The following ESRP1 variants were observed in gnomAD, a reference collection of about 807,000 sequenced individuals.
The protein encoded by ESRP1 is RNA-binding motif protein 35A.
ESRP1 carries 33 observed loss-of-function variants against 81.7 expected under a neutral mutation model. The ratio of observed to expected loss-of-function variants is 0.40; its 90% confidence interval spans 0.31 to 0.54. The LOEUF (loss-of-function observed/expected upper bound fraction) is 0.54, where lower values mean the gene tolerates loss of function less well. Among genes scored for constraint, ESRP1 ranks in the 20% least tolerant of loss-of-function variants. ESRP1 has a pLI of 0.41. For missense variants in ESRP1, 672 were observed against 833.1 expected (o/e 0.81, Z 2.38); for synonymous variants, 320 against 303.3 (o/e 1.06, Z -0.57).
At chr8:94,697,564 C>T (rs1468457880) in intron 15 of ESRP1, among the ~76,000 whole-genome samples, 3 of 152,192 alleles carry the variant, frequency 2.0e-5, no homozygotes, top group African/African-American at 7.2e-5. Context: ...AATAACATTT[C>T]ATTGCATGGA....
intron 13 of ESRP1, among the ~76,000 whole-genome samples, chr8:94,689,027 G>T (rs1162092318): frequency 1.3e-5 from 2 of 152,120 alleles, no homozygotes; most frequent in African/African-American, 4.8e-5. Flanking sequence ...GAGGTGGGCA[G>T]ATCACTTGAA....
At chr8:94,697,139 A>G (rs1809636893) in intron 15 of ESRP1, among the ~76,000 whole-genome samples, 178 bp downstream of exon 15, 1 of 152,232 alleles carries the variant, frequency 6.6e-6, no homozygotes, top group Non-Finnish European at 1.5e-5. Flanking sequence ...CATAGAATCT[A>G]AGCAACATTA....
chr8:94,686,565 G>A (rs1407104251), intron 13 of ESRP1, among the ~76,000 whole-genome samples: 1 of 152,078 alleles, frequency 6.6e-6, no homozygotes, highest in African/African-American at 2.4e-5. Context: ...TATTTGATGT[G>A]GTACAGTCTC....
intron 4 of ESRP1, among the ~76,000 whole-genome samples, chr8:94,646,648 G>A (rs1188817487): frequency 6.6e-6 from 1 of 151,988 alleles, no homozygotes; most frequent in East Asian, 1.9e-4. Context: ...TGGCTTCTTT[G>A]GAATGAAGTC....
In ESRP1 at chr8:94,641,179, G is replaced by T. The variant is rs1436037898; in HGVS notation, c.-140G>T. On this transcript the variant is annotated 5_prime_UTR_variant, in exon 1 of 16. Coordinates refer to ENST00000433389, the MANE Select transcript of ESRP1 (RefSeq NM_017697.4). ...CTTGGGTGGTTGGTTACCGCCTTTT[G>T]CACTAGCAGTAGCAAGGAAGGGGGG... 2.5e-6 allele frequency: 2 copies of T among 815,228 alleles called. No individual in the cohort carries two copies. Among genetic ancestry groups the T allele is most frequent in the Admixed American group, 5.8e-5 (2 of 34,554 alleles). The allele number at this position is 815,228 out of a possible 1,614,324, so 50.5% of individuals were successfully genotyped here. A position where few individuals can be genotyped will look rare whatever the true frequency, so the allele number is the denominator to read the frequency against.
At chr8:94,666,576 T>A (rs1311001081) in intron 9 of ESRP1, among the ~76,000 whole-genome samples, 2 of 152,222 alleles carry the variant, frequency 1.3e-5, no homozygotes, top group Non-Finnish European at 2.9e-5. Context: ...AAAGAACATT[T>A]GTATTCCTAC....
chr8:94,677,321 G>A (rs1808686601), intron 12 of ESRP1, among the ~76,000 whole-genome samples: 1 of 152,120 alleles, frequency 6.6e-6, no homozygotes, highest in Non-Finnish European at 1.5e-5. Context: ...TAAAGTCAGG[G>A]ACCCCATATT....
At chr8:94,696,030 TC>T (rs1368925819) in intron 14 of ESRP1, among the ~76,000 whole-genome samples, 1 of 152,182 alleles carries the variant, frequency 6.6e-6, no homozygotes, top group Admixed American at 6.5e-5. Flanking sequence ...GACATTGCAC[TC>T]CAGCCTGGGT....
At chr8:94,658,178 G>A (rs1015998477) in intron 4 of ESRP1, among the ~76,000 whole-genome samples, 10 of 150,758 alleles carry the variant, frequency 6.6e-5, no homozygotes, top group Non-Finnish European at 1.0e-4. Flanking sequence ...CTCCCAAAGT[G>A]CTGGGATTAC....
intron 14 of ESRP1, among the ~76,000 whole-genome samples, chr8:94,694,422 C>T (rs533550824): frequency 1.3e-5 from 2 of 152,208 alleles, no homozygotes; most frequent in East Asian, 3.9e-4. Flanking sequence ...GCCTGACCAA[C>T]ATGAAACCCC....
chr8:94,646,126 C>G (rs1817838087), intron 3 of ESRP1, 42 bp from the exon 4 acceptor site: 3 of 1,154,906 alleles, frequency 2.6e-6, no homozygotes. Flanking sequence ...AACATTGAAC[C>G]AAATTCACCT....
chr8:94,675,321 G>C (rs1331441545), intron 12 of ESRP1, among the ~76,000 whole-genome samples: 1 of 152,218 alleles, frequency 6.6e-6, no homozygotes, highest in South Asian at 2.1e-4. Flanking sequence ...ACAGTTCAAA[G>C]ATAACTAAGT....
intron 12 of ESRP1, among the ~76,000 whole-genome samples, chr8:94,677,415 C>T (rs1352302568): frequency 2.6e-5 from 4 of 152,134 alleles, no homozygotes; most frequent in Non-Finnish European, 5.9e-5. Flanking sequence ...AGCTAGTGAC[C>T]AGCCACTGGT....
chr8:94,678,036 C>T (rs1586225657), intron 12 of ESRP1, among the ~76,000 whole-genome samples, 167 bp from the exon 13 acceptor site: 1 of 152,172 alleles, frequency 6.6e-6, no homozygotes, highest in East Asian at 1.9e-4. Context: ...TCAGATACTT[C>T]TATGCATTAA....
intron 10 of ESRP1, among the ~76,000 whole-genome samples, chr8:94,668,535 T>C (rs182436314): frequency 1.9e-3 from 296 of 152,350 alleles, no homozygotes; most frequent in Non-Finnish European, 3.3e-3. Flanking sequence ...AAAAGTTTCA[T>C]CTTTAAATAT....
intron 6 of ESRP1, 117 bp downstream of exon 6, chr8:94,662,672 A>C (rs1818810583): frequency 9.9e-6 from 8 of 806,332 alleles, no homozygotes; most frequent in African/African-American, 3.5e-5. Context: ...CAGTGGCACG[A>C]TCTCAGCTCA....
chr8:94,645,669 C>G (rs558907131), intron 3 of ESRP1, among the ~76,000 whole-genome samples: 1 of 109,432 alleles, frequency 9.1e-6, no homozygotes, highest in South Asian at 4.6e-4. Context: ...TAAGCCTTTT[C>G]AGTTAATCAG....
At chr8:94,687,940 C>A (rs1809206716) in intron 13 of ESRP1, among the ~76,000 whole-genome samples, 1 of 151,966 alleles carries the variant, frequency 6.6e-6, no homozygotes, top group Non-Finnish European at 1.5e-5. Flanking sequence ...TTCCCTTACA[C>A]TTTTGGTGTG....
chr8:94,649,375 AT>A (rs1304717127), intron 4 of ESRP1, among the ~76,000 whole-genome samples: 1 of 151,800 alleles, frequency 6.6e-6, no homozygotes, highest in Non-Finnish European at 1.5e-5. Context: ...AGTAGGCTTT[AT>A]TTTTTTGAGA....
Sources: allele counts gnomAD v4.1 joint callset (sites outside exome capture counted in the v4.1 genomes callset), GRCh38; gene constraint gnomAD v4.1.1; transcripts MANE v1.5; gene names NCBI Gene and HGNC (gene_info 2026-07-23, HGNC 2026-07-21).